The following ATOSA variants were observed in gnomAD, a reference collection of about 807,000 sequenced individuals.
The protein encoded by ATOSA is atos homolog protein A.
chr15:52,594,390 T>C, the ATOSA span, among the ~76,000 whole-genome samples: 6 of 152,228 alleles, frequency 3.9e-5, no homozygotes, highest in Non-Finnish European at 8.8e-5. Context: ...TAGTGGTTAT[T>C]TTCCCACTTA....
At chr15:52,588,196 A>T in the ATOSA span, among the ~76,000 whole-genome samples, 14 of 152,214 alleles carry the variant, frequency 9.2e-5, no homozygotes, top group Non-Finnish European at 1.6e-4. Context: ...AGTCAAATAT[A>T]CATTTTAACA....
chr15:52,686,652 A>T, the ATOSA span, among the ~76,000 whole-genome samples: 14 of 152,334 alleles, frequency 9.2e-5, no homozygotes, highest in East Asian at 2.7e-3. Context: ...AAGCTCAATT[A>T]GGCATAGAGA....
the ATOSA span, among the ~76,000 whole-genome samples, chr15:52,665,627 TCTA>T: frequency 7.7e-4 from 118 of 152,336 alleles, no homozygotes; most frequent in African/African-American, 2.7e-3. Context: ...ATCAAGTAAT[TCTA>T]CTTTTAGAAC....
the ATOSA span, among the ~76,000 whole-genome samples, chr15:52,633,725 T>C: frequency 6.6e-6 from 1 of 152,128 alleles, no homozygotes; most frequent in African/African-American, 2.4e-5. Context: ...CTACCAAAAA[T>C]GTTAAAGGAA....
chr15:52,583,586 A>C, the ATOSA span, among the ~76,000 whole-genome samples: 1 of 152,144 alleles, frequency 6.6e-6, no homozygotes, highest in Non-Finnish European at 1.5e-5. Context: ...GGGTTTCACC[A>C]TGTTGGCCAG....
At chr15:52,609,080 A>G in the ATOSA span, 1 of 1,613,472 alleles carries the variant, frequency 6.2e-7, no homozygotes, top group Non-Finnish European at 8.5e-7. Flanking sequence ...GACAAAATTG[A>G]GGAAGTTGAT....
At chr15:52,628,966 G>A in the ATOSA span, among the ~76,000 whole-genome samples, 1 of 152,150 alleles carries the variant, frequency 6.6e-6, no homozygotes, top group Admixed American at 6.5e-5. Flanking sequence ...ATACAATCCT[G>A]AAGGGCCATT....
chr15:52,609,891 C>T, the ATOSA span: 1 of 1,612,428 alleles, frequency 6.2e-7, no homozygotes, highest in Non-Finnish European at 8.5e-7. Context: ...TGGAATCAAC[C>T]ATTGAAAATG....
chr15:52,703,312 C>T, the ATOSA span, among the ~76,000 whole-genome samples: 2 of 152,222 alleles, frequency 1.3e-5, no homozygotes, highest in Admixed American at 1.3e-4. Flanking sequence ...ATGTTTTATA[C>T]TGATTAAATT....
the ATOSA span, among the ~76,000 whole-genome samples, chr15:52,618,672 AG>A: frequency 6.6e-6 from 1 of 152,196 alleles, no homozygotes; most frequent in Non-Finnish European, 1.5e-5. Context: ...TGTTAAAAAA[AG>A]TATTTTCTTC....
chr15:52,652,033 C>A, the ATOSA span: 1 of 1,498,220 alleles, frequency 6.7e-7, no homozygotes, highest in South Asian at 1.3e-5. Context: ...TCCCGCTTCC[C>A]TCCGTGTAAG....
At chr15:52,584,793 T>C in the ATOSA span, 2 of 1,613,796 alleles carry the variant, frequency 1.2e-6, no homozygotes, top group South Asian at 2.2e-5. Context: ...GTGTCGGATG[T>C]TCTCTTTATT....
At chr15:52,700,778 G>A in the ATOSA span, among the ~76,000 whole-genome samples, 5 of 151,976 alleles carry the variant, frequency 3.3e-5, no homozygotes, top group Admixed American at 2.6e-4. Context: ...TACCTCTCTC[G>A]TGGAAGTAAT....
the ATOSA span, chr15:52,582,324 A>C: frequency 6.5e-7 from 1 of 1,546,420 alleles, no homozygotes; most frequent in African/African-American, 1.4e-5. Flanking sequence ...AAATAAACAA[A>C]ATATAAAACA....
At chr15:52,619,235 T>C in the ATOSA span, among the ~76,000 whole-genome samples, 28 of 152,306 alleles carry the variant, frequency 1.8e-4, no homozygotes, top group Middle Eastern at 0.01. Flanking sequence ...TACATTGTTA[T>C]AGATTGTACT....
chr15:52,691,726 T>G, the ATOSA span, among the ~76,000 whole-genome samples: 1 of 152,064 alleles, frequency 6.6e-6, no homozygotes, highest in Non-Finnish European at 1.5e-5. Flanking sequence ...TCCCAGCTAC[T>G]CAGGAGGCTG....
chr15:52,655,008 T>A, the ATOSA span, among the ~76,000 whole-genome samples: 1 of 152,098 alleles, frequency 6.6e-6, no homozygotes, highest in Non-Finnish European at 1.5e-5. Context: ...CTAATCTCTT[T>A]ACGTACTCTT....
the ATOSA span, among the ~76,000 whole-genome samples, chr15:52,620,568 G>C: frequency 1.8e-4 from 27 of 152,224 alleles, no homozygotes; most frequent in Non-Finnish European, 3.4e-4. Flanking sequence ...CAGAGAAGGA[G>C]AAGGAGTCTA....
At chr15:52,687,758 G>A in the ATOSA span, among the ~76,000 whole-genome samples, 4 of 152,010 alleles carry the variant, frequency 2.6e-5, no homozygotes, top group African/African-American at 9.7e-5. Flanking sequence ...GTTTTTTGCC[G>A]TTAGCCCCAG....
Sources: gnomAD v4.1 joint callset for allele counts (sites outside exome capture counted in the v4.1 genomes callset) on GRCh38, gnomAD v4.1.1 for gene constraint, MANE v1.5 for transcripts, NCBI Gene and HGNC (gene_info 2026-07-23, HGNC 2026-07-21) for gene names.